Variants in RIMS2 observed in about 807,000 individuals in gnomAD.
The protein encoded by RIMS2 is regulating synaptic membrane exocytosis protein 2.
A neutral mutation model predicts 174.4 loss-of-function variants in RIMS2; 59 were observed. That is an observed-to-expected ratio of 0.34 (90% confidence interval 0.27 to 0.42). The LOEUF (loss-of-function observed/expected upper bound fraction) is 0.42, where lower values mean the gene tolerates loss of function less well. RIMS2 is among the 10% of genes least tolerant of loss of function. RIMS2 has a pLI of 1.00. For missense variants in RIMS2, 1,620 were observed against 1,666.3 expected (o/e 0.97, Z 0.48); for synonymous variants, 606 against 572.5 (o/e 1.06, Z -0.84).
chr8:104,119,119 G>A (rs1036634639), intron 19 of RIMS2, among the ~76,000 whole-genome samples: 6 of 151,810 alleles, frequency 4.0e-5, no homozygotes, highest in Admixed American at 2.0e-4. Flanking sequence ...AGGCCGAGGC[G>A]GGCGGATCAT....
At chr8:104,100,733 A>T (rs1015109776) in intron 19 of RIMS2, among the ~76,000 whole-genome samples, 2 of 148,126 alleles carry the variant, frequency 1.4e-5, no homozygotes, top group Non-Finnish European at 3.0e-5. Context: ...TTTCTTTTTT[A>T]TCTAGTCTGT....
At chr8:103,931,656 T>G (rs1220919842) in intron 12 of RIMS2, among the ~76,000 whole-genome samples, 1 of 152,098 alleles carries the variant, frequency 6.6e-6, no homozygotes, top group Non-Finnish European at 1.5e-5. Flanking sequence ...TCAAAATCAT[T>G]AAAAGTTATG....
At chr8:103,752,476 A>G (rs2097906505) in intron 2 of RIMS2, among the ~76,000 whole-genome samples, 2 of 152,028 alleles carry the variant, frequency 1.3e-5, no homozygotes, top group Non-Finnish European at 2.9e-5. Context: ...AGTTTTTTCC[A>G]ATTCTGTGAA....
chr8:103,924,599 T>G (rs1565343780), intron 10 of RIMS2, among the ~76,000 whole-genome samples: 1 of 151,768 alleles, frequency 6.6e-6, no homozygotes, highest in East Asian at 1.9e-4. Context: ...TAGTTTTTAC[T>G]TGGGCCCATA....
At position 104,040,001 on chromosome 8, in the gene RIMS2, A is replaced by G. The variant is rs145822180; in HGVS notation, c.3334+25386A>G. Among the ~76,000 whole-genome samples the G allele has an allele frequency of 1.4e-3, 219 of 151,672 alleles. 1 individual carries two copies. The highest frequency in any genetic ancestry group is 3.9e-3 in the Admixed American group (59 of 15,210). ...AATTTCCAAATGTCATTTCTTTTCC[A>G]GTTTTCTATAATTCATGCTAAGATT... On this transcript the variant is annotated intron_variant, in intron 19 of 23. Coordinates refer to ENST00000504942, the Ensembl canonical transcript of RIMS2.
At chr8:103,903,924 T>C (rs1211462888) in intron 4 of RIMS2, among the ~76,000 whole-genome samples, 1 of 152,166 alleles carries the variant, frequency 6.6e-6, no homozygotes, top group Non-Finnish European at 1.5e-5. Context: ...GTTTCCTCAG[T>C]GGTTATATCT....
intron 3 of RIMS2, among the ~76,000 whole-genome samples, chr8:103,794,167 A>G (rs1415399215): frequency 6.6e-6 from 1 of 152,154 alleles, no homozygotes; most frequent in Non-Finnish European, 1.5e-5. Flanking sequence ...GCATCACACT[A>G]CCTGACTTCA....
At chr8:103,620,546 G>C (rs115925352) in intron 1 of RIMS2, among the ~76,000 whole-genome samples, 13 of 152,122 alleles carry the variant, frequency 8.5e-5, no homozygotes, top group African/African-American at 3.1e-4. Flanking sequence ...GAAAGCAACC[G>C]ATTAATGTAA....
intron 14 of RIMS2, among the ~76,000 whole-genome samples, chr8:103,957,552 A>G (rs2087840615): frequency 6.6e-6 from 1 of 152,214 alleles, no homozygotes; most frequent in African/African-American, 2.4e-5. Flanking sequence ...CTGGGAGTTA[A>G]ACATTGAGAA....
chr8:104,106,741 A>G (rs573529797), intron 19 of RIMS2, among the ~76,000 whole-genome samples: 1 of 152,340 alleles, frequency 6.6e-6, no homozygotes, highest in South Asian at 2.1e-4. Context: ...AAAAGCAAAT[A>G]AGGACAATTA....
At chr8:103,623,801 T>G (rs1417395521) in intron 1 of RIMS2, among the ~76,000 whole-genome samples, 2 of 151,054 alleles carry the variant, frequency 1.3e-5, no homozygotes, top group Admixed American at 6.6e-5. Context: ...TTCATTTTTT[T>G]TTTTTAAAAA....
At chr8:103,647,932 T>C (rs2096375122) in intron 1 of RIMS2, among the ~76,000 whole-genome samples, 1 of 150,990 alleles carries the variant, frequency 6.6e-6, no homozygotes, top group South Asian at 2.1e-4. Flanking sequence ...CACCTTCAGT[T>C]CAGTTTTGAT....
rs552880439 is a variant in RIMS2, at chr8:104,004,344, T to C, written c.3045-9098T>C. On this transcript the variant is annotated intron_variant, in intron 17 of 23. Coordinates refer to ENST00000504942, the Ensembl canonical transcript of RIMS2. ...TGGCAGAGGGAGGAAGAGGAGCTTC[T>C]GAGTGACATAAAGAATGAGAAAAGT... 2.0e-5 allele frequency among the ~76,000 whole-genome samples: 3 copies of C among 152,182 alleles called. No homozygotes were observed. In the East Asian group the frequency reaches 5.8e-4, roughly 29 times the overall value.
At chr8:104,251,775 A>G (rs1417588678) in exon 24 of RIMS2, 7 of 1,612,570 alleles carry the variant, frequency 4.3e-6, no homozygotes, top group African/African-American at 1.3e-5. Context: ...GAGCTTCCCA[A>G]TCATCTCTGG....
intron 19 of RIMS2, among the ~76,000 whole-genome samples, chr8:104,244,285 G>A (rs1470962573): frequency 1.3e-5 from 2 of 152,180 alleles, no homozygotes; most frequent in African/African-American, 2.4e-5. Context: ...ATTTTGGTGA[G>A]TTTTTGCATT....
At chr8:104,185,001 A>ACTAG (rs2098960598) in intron 19 of RIMS2, among the ~76,000 whole-genome samples, 2 of 151,478 alleles carry the variant, frequency 1.3e-5, no homozygotes, top group Admixed American at 6.6e-5. Flanking sequence ...TACCAATAGT[A>ACTAG]CTAGCTAGCG....
intron 19 of RIMS2, among the ~76,000 whole-genome samples, chr8:104,114,362 C>T (rs956734426): frequency 2.0e-5 from 3 of 151,906 alleles, no homozygotes; most frequent in African/African-American, 7.2e-5. Flanking sequence ...TAAATCAGTA[C>T]ATAATGCATT....
chr8:104,134,473 AC>A (rs769475069), intron 19 of RIMS2, among the ~76,000 whole-genome samples: 11 of 152,214 alleles, frequency 7.2e-5, no homozygotes, highest in Non-Finnish European at 1.5e-4. Context: ...TCAAAAACAA[AC>A]AAACAAAATC....
intron 19 of RIMS2, among the ~76,000 whole-genome samples, chr8:104,112,335 G>T (rs2098201122): frequency 6.6e-6 from 1 of 151,686 alleles, no homozygotes; most frequent in Non-Finnish European, 1.5e-5. Context: ...TCATTTGTAG[G>T]GTGCTTTTCT....
Sources: gnomAD v4.1 joint callset for allele counts (sites outside exome capture counted in the v4.1 genomes callset) on GRCh38, gnomAD v4.1.1 for gene constraint, MANE v1.5 for transcripts, NCBI Gene and HGNC (gene_info 2026-07-23, HGNC 2026-07-21) for gene names.